Variants in LDLRAD4 observed in about 807,000 individuals in gnomAD.
LDLRAD4 encodes low density lipoprotein receptor class A domain containing 4.
LDLRAD4 carries 5 observed loss-of-function variants against 17.0 expected under a neutral mutation model. That is an observed-to-expected ratio of 0.29 (90% CI 0.15 to 0.62). The LOEUF (loss-of-function observed/expected upper bound fraction) is 0.62. LDLRAD4 is among the 20% of genes least tolerant of loss of function. The pLI is 0.84. For missense variants in LDLRAD4, 340 were observed against 424.7 expected (o/e 0.80, Z 1.75); for synonymous variants, 168 against 171.8 (o/e 0.98, Z 0.17).
At chr18:13,508,276 CAAAGTGCAGGGT>C (rs1482553654) in intron 3 of LDLRAD4, among the ~76,000 whole-genome samples, 1 of 152,222 alleles carries the variant, frequency 6.6e-6, no homozygotes, top group African/African-American at 2.4e-5. Flanking sequence ...TACATACCAT[CAAAGTGCAGGGT>C]AAAGCAGCAA....
chr18:13,398,345 C>T lies in LDLRAD4; in HGVS notation c.40+10583C>T, dbSNP rs887317337. On this transcript the variant is annotated intron_variant, in intron 2 of 5. Coordinates refer to ENST00000359446, the Ensembl canonical transcript of LDLRAD4. The surrounding 1 kb of genome is among the most constrained non-coding windows in gnomAD (Gnocchi z 4.8). ...TAGGCGTGAAAGCAGCACAGCGTCA[C>T]GGTGGTGATGCTTGCGTAGCAGTGT... 5.9e-5 allele frequency among the ~76,000 whole-genome samples: 9 copies of T among 152,052 alleles called. No individual in the cohort carries two copies. In the East Asian group the frequency reaches 7.7e-4, roughly 13 times the overall value.
chr18:13,625,321 A>G (rs536710004), intron 4 of LDLRAD4, among the ~76,000 whole-genome samples: 1 of 152,182 alleles, frequency 6.6e-6, no homozygotes, highest in South Asian at 2.1e-4. Flanking sequence ...AAGCCTGGAG[A>G]GTGGAGGTGG....
At chr18:13,256,822 C>T (rs11665438) in intron 1 of LDLRAD4, among the ~76,000 whole-genome samples, 57,792 of 152,146 alleles carry the variant, frequency 0.38, 12,837 homozygotes, top group East Asian at 0.53. Context: ...AGCCCAGGCA[C>T]GTCAGTGCCC....
chr18:13,479,142 G>C (rs1226705850), intron 3 of LDLRAD4, among the ~76,000 whole-genome samples: 1 of 152,082 alleles, frequency 6.6e-6, no homozygotes, highest in Non-Finnish European at 1.5e-5. Context: ...TAGATCACAG[G>C]CTTAAATATG....
chr18:13,565,632 C>G (rs571363764), intron 3 of LDLRAD4, among the ~76,000 whole-genome samples: 1 of 152,338 alleles, frequency 6.6e-6, no homozygotes, highest in African/African-American at 2.4e-5. Flanking sequence ...TTCTCGTGCC[C>G]CTGTCAACAA....
rs1042558496 is a variant in LDLRAD4 at position 13,440,234 on chromosome 18, C to T, written c.181+1850C>T. Among the ~76,000 whole-genome samples, 3 of 152,186 alleles carry T rather than the reference C, an allele frequency of 2.0e-5. No individual in the cohort carries two copies. Among genetic ancestry groups the T allele is most frequent in the African/African-American group, 2.4e-5 (1 of 41,446 alleles). ...CTCCTTTACTTCAGGGCCCTTTTGC[C>T]GAGGGCTTCCTTGTTTTCAACCCTC... is the stretch of plus-strand genomic sequence containing the variant. On this transcript the variant is annotated intron_variant, in intron 3 of 5. Coordinates refer to ENST00000359446, the Ensembl canonical transcript of LDLRAD4. The surrounding 1 kb of genome is among the most constrained non-coding windows in gnomAD (Gnocchi z 4.4).
intron 3 of LDLRAD4, among the ~76,000 whole-genome samples, chr18:13,454,394 T>C (rs781086341): frequency 6.6e-6 from 1 of 152,220 alleles, no homozygotes; most frequent in Non-Finnish European, 1.5e-5. Flanking sequence ...TTGTGAATAA[T>C]ATGGAATTTT....
Position 13,621,587 on chromosome 18 carries a change from C to T in LDLRAD4, c.336+316C>T. Among the ~76,000 whole-genome samples the T allele has an allele frequency of 6.6e-6, 1 of 152,202 alleles. No homozygotes were observed. Among genetic ancestry groups the T allele is most frequent in the Non-Finnish European group, 1.5e-5 (1 of 68,026 alleles). On this transcript the variant is annotated intron_variant, in intron 4 of 5. Transcript: ENST00000359446. This position sits in a 1 kb window ranked among gnomAD's most constrained non-coding sequence, Gnocchi z 5.5. The stretch of plus-strand genomic sequence containing the variant: ...GAACGGGACCGGCCCTGGGTGGTCC[C>T]TCGTGCCTGGCTCCTCTGGCTTGGC...
Position 13,398,488 on chromosome 18 carries a change from T to C in LDLRAD4, c.40+10726T>C, listed in dbSNP as rs144527956. 1.7e-3 allele frequency among the ~76,000 whole-genome samples: 259 copies of C among 152,118 alleles called. No individual in the cohort carries two copies. The highest frequency in any genetic ancestry group is 6.0e-3 in the African/African-American group (249 of 41,486). The stretch of plus-strand genomic sequence containing the variant: ...AATTGCTGAAATACCATTGAGCTTA[T>C]CAGAAGAGCTCAGATTTGAGTGTGG... On this transcript the variant is annotated intron_variant, in intron 2 of 5. Coordinates refer to ENST00000359446, the Ensembl canonical transcript of LDLRAD4. The surrounding 1 kb of genome is among the most constrained non-coding windows in gnomAD (Gnocchi z 4.8).
At chr18:13,473,676 T>A (rs943574278) in intron 3 of LDLRAD4, among the ~76,000 whole-genome samples, 17 of 106,476 alleles carry the variant, frequency 1.6e-4, no homozygotes, top group African/African-American at 6.0e-4. Flanking sequence ...TATATATATA[T>A]ATAACGTTTA....
intron 3 of LDLRAD4, among the ~76,000 whole-genome samples, chr18:13,544,536 G>A (rs2094332070): frequency 6.6e-6 from 1 of 152,230 alleles, no homozygotes; most frequent in Admixed American, 6.5e-5. Context: ...GGCTCACCTT[G>A]AGTGGCTCCT....
chr18:13,266,273 C>T (rs529249728), intron 1 of LDLRAD4, among the ~76,000 whole-genome samples: 35 of 152,320 alleles, frequency 2.3e-4, no homozygotes, highest in Non-Finnish European at 3.8e-4. Flanking sequence ...CTACAGAGTC[C>T]GCATAAGCCC....
chr18:13,577,357 G>T (rs187756603), intron 3 of LDLRAD4, among the ~76,000 whole-genome samples: 1 of 152,096 alleles, frequency 6.6e-6, no homozygotes, highest in Admixed American at 6.5e-5. Context: ...ACCCTGCAGC[G>T]GCAGTCCTGA....
intron 1 of LDLRAD4, among the ~76,000 whole-genome samples, chr18:13,244,842 G>T (rs929150816): frequency 8.5e-5 from 13 of 152,200 alleles, no homozygotes; most frequent in Non-Finnish European, 1.6e-4. Context: ...GGACAGGTGG[G>T]AGTGTTCATT....
chr18:13,477,991 C>A (rs1206542021), intron 3 of LDLRAD4, among the ~76,000 whole-genome samples: 1 of 152,204 alleles, frequency 6.6e-6, no homozygotes, highest in Admixed American at 6.5e-5. Flanking sequence ...CTCATCTGCT[C>A]CCACTGACTC....
At chr18:13,473,678 T>TATATATATATATATATATATATATATAA (rs374731826) in intron 3 of LDLRAD4, among the ~76,000 whole-genome samples, 1 of 79,986 alleles carries the variant, frequency 1.3e-5, no homozygotes, top group Admixed American at 1.6e-4. Flanking sequence ...TATATATATA[T>TATATATATATATATATATATATATATAA]AACGTTTACA....
intron 1 of LDLRAD4, among the ~76,000 whole-genome samples, chr18:13,293,301 A>G (rs1055884560): frequency 2.0e-5 from 3 of 152,224 alleles, no homozygotes; most frequent in African/African-American, 7.2e-5. Context: ...TTTGCCACAT[A>G]GACGACCTGT....
intron 1 of LDLRAD4, among the ~76,000 whole-genome samples, chr18:13,264,346 G>A (rs1432106463): frequency 1.3e-5 from 2 of 152,274 alleles, no homozygotes; most frequent in African/African-American, 2.4e-5. Flanking sequence ...AGCAGGCCTT[G>A]CTGCTCTTTC....
chr18:13,562,665 A>G (rs1399987772), intron 3 of LDLRAD4, among the ~76,000 whole-genome samples: 2 of 151,986 alleles, frequency 1.3e-5, no homozygotes, highest in Non-Finnish European at 2.9e-5. Flanking sequence ...GCCCCTGGAA[A>G]CCCCCATTCT....
Sources: gnomAD v4.1 joint callset for allele counts (sites outside exome capture counted in the v4.1 genomes callset) on GRCh38, gnomAD v4.1.1 for gene constraint, Gnocchi (gnomAD v3.1) non-coding constraint, MANE v1.5 for transcripts, NCBI Gene and HGNC (gene_info 2026-07-23, HGNC 2026-07-21) for gene names.